P2RX1: variants seen among roughly 807,000 people sequenced by gnomAD.
The protein encoded by P2RX1 is P2X purinoceptor 1.
P2RX1 carries 42 observed loss-of-function variants against 50.3 expected under a neutral mutation model. The ratio of observed to expected loss-of-function variants is 0.83; its 90% CI spans 0.65 to 1.08. The LOEUF is 1.08. Among genes scored for constraint, P2RX1 ranks in the 50% least tolerant of loss-of-function variants. The pLI, the probability that P2RX1 is intolerant of heterozygous loss-of-function variation, is 0.00. For synonymous variants in P2RX1, 199 were observed against 202.6 expected (o/e 0.98, Z 0.15); for missense variants, 449 against 529.0 (o/e 0.85, Z 1.48).
At chr17:3,899,853 C>A in intron 7 of P2RX1, 92 bp from the exon 8 acceptor site, 2 of 1,512,080 alleles carry the variant, frequency 1.3e-6, no homozygotes, top group Non-Finnish European at 1.8e-6. Flanking sequence ...GTAATCCCAG[C>A]ACTTTGGGAG....
intron 1 of P2RX1, among the ~76,000 whole-genome samples, chr17:3,913,541 G>A (rs180678960): frequency 7.6e-4 from 116 of 152,304 alleles, no homozygotes; most frequent in African/African-American, 2.4e-3. Flanking sequence ...CATGACTGGC[G>A]GAGACCATGG....
intron 7 of P2RX1, among the ~76,000 whole-genome samples, chr17:3,902,437 G>A (rs1217247010): frequency 6.6e-6 from 1 of 151,776 alleles, no homozygotes; most frequent in Non-Finnish European, 1.5e-5. Context: ...GGGATTACAG[G>A]CGCATGCCAC....
chr17:3,909,197 AT>A (rs1390073969), intron 1 of P2RX1, among the ~76,000 whole-genome samples: 1 of 151,514 alleles, frequency 6.6e-6, no homozygotes. Flanking sequence ...CGCCCGGCTA[AT>A]TTTTTTTATT....
chr17:3,906,378 G>A (rs555146116), intron 1 of P2RX1, among the ~76,000 whole-genome samples: 4 of 152,288 alleles, frequency 2.6e-5, no homozygotes, highest in Admixed American at 6.5e-5. Flanking sequence ...TGATCCGCCC[G>A]CCTCGGCCTC....
chr17:3,910,986 T>C (rs1374889746), intron 1 of P2RX1, among the ~76,000 whole-genome samples: 5 of 152,112 alleles, frequency 3.3e-5, no homozygotes, highest in African/African-American at 4.8e-5. Context: ...TTTTTATTGT[T>C]CTTTATTTAT....
chr17:3,903,904 C>A lies in P2RX1; in HGVS notation c.524+24G>T, dbSNP rs760699363. 3 of 1,587,226 alleles carry A rather than the reference C, an allele frequency of 1.9e-6. No homozygotes were observed. In the South Asian group the frequency reaches 3.3e-5, roughly 18 times the overall value. ...GTCTGGCCTGGGACCCTGTTCTTAG[C>A]TCTCTGGAAGGTCAGAGTGTTACCG... On this transcript the variant is annotated intron_variant, in intron 5 of 11. Coordinates refer to ENST00000225538, the MANE Select transcript of P2RX1 (RefSeq NM_002558.4). The surrounding 1 kb of genome is among the most constrained non-coding windows in gnomAD (Gnocchi z 4.6).
chr17:3,907,402 C>T (rs2056287806), intron 1 of P2RX1, among the ~76,000 whole-genome samples: 1 of 151,262 alleles, frequency 6.6e-6, no homozygotes, highest in South Asian at 2.1e-4. Flanking sequence ...TGTATCATCC[C>T]CCTCCACTCC....
At chr17:3,906,761 G>A (rs2144031645) in intron 1 of P2RX1, among the ~76,000 whole-genome samples, 1 of 152,324 alleles carries the variant, frequency 6.6e-6, no homozygotes, top group Middle Eastern at 3.4e-3. Flanking sequence ...GGTTCCATGA[G>A]GCTAACCTCC....
At chr17:3,911,841 G>A (rs1465401869) in intron 1 of P2RX1, among the ~76,000 whole-genome samples, 1 of 152,190 alleles carries the variant, frequency 6.6e-6, no homozygotes, top group Non-Finnish European at 1.5e-5. Flanking sequence ...AGGAGAGCCT[G>A]GAAGGGTGGG....
intron 7 of P2RX1, among the ~76,000 whole-genome samples, chr17:3,901,732 C>T (rs529751826): frequency 1.3e-5 from 2 of 152,376 alleles, no homozygotes; most frequent in African/African-American, 2.4e-5. Context: ...ATAAGGGACA[C>T]GTGCTGCCAG....
At chr17:3,906,320 ATGG>A (rs1567654741) in intron 1 of P2RX1, among the ~76,000 whole-genome samples, 26 of 152,088 alleles carry the variant, frequency 1.7e-4, no homozygotes, top group Non-Finnish European at 2.8e-4. Flanking sequence ...TTTAGTAGAG[ATGG>A]GGTTTCACCG....
chr17:3,905,256 C>G lies in P2RX1; in HGVS notation c.249G>C (p.Gln83His). 6.2e-7 allele frequency: 1 copy of G among 1,613,756 alleles called. No individual in the cohort carries two copies. Among genetic ancestry groups the G allele is most frequent in the East Asian group, 2.2e-5 (1 of 44,886 alleles). Residue 83 changes from glutamine to histidine, a missense_variant, in exon 2 of 12, where the codon CAG becomes CAC. Transcript: ENST00000225538. ...AVTQLPGLGP[Q>H]VWDVADYVFP... is the part of the protein sequence containing the mutation. ...AGACGTAGTCAGCCACATCCCAGAC[C>G]TGGGGGCCGAGGCCAGGGAGCTGGG...
At position 3,904,041 on chromosome 17, in the gene P2RX1, A is replaced by C. The variant is rs1214723225; in HGVS notation, c.428-17T>G. 6 of 1,598,274 alleles carry C rather than the reference A, an allele frequency of 3.8e-6. No individual in the cohort carries two copies. Among genetic ancestry groups the C allele is most frequent in the Non-Finnish European group, 5.1e-6 (6 of 1,166,052 alleles). On this transcript the variant is annotated splice_polypyrimidine_tract_variant and intron_variant, in intron 4 of 11. Coordinates refer to ENST00000225538, the MANE Select transcript of P2RX1 (RefSeq NM_002558.4). ...TGCGGATGCCTGGAGCCAGAGGGAA[A>C]CCCCTGGGTGCCTGCACTAAACAGA...
rs374795208 is a variant in P2RX1 at position 3,916,069 on chromosome 17, C to T, written c.137+20G>A. The T allele has an allele frequency of 1.0e-4, 162 of 1,612,926 alleles. No homozygotes were observed. Among genetic ancestry groups the T allele is most frequent in the African/African-American group, 6.8e-4 (51 of 75,054 alleles). On this transcript the variant is annotated intron_variant, in intron 1 of 11. Coordinates refer to ENST00000225538, the MANE Select transcript of P2RX1 (RefSeq NM_002558.4). Reference sequence around the variant, plus strand: ...CCGGGGTAGGGGCTGGTGCAGGCAGCGGGAGGCGCCCGGACTCACCCGATG... The same window carrying T: ...CCGGGGTAGGGGCTGGTGCAGGCAGTGGGAGGCGCCCGGACTCACCCGATG...
intron 2 of P2RX1, 66 bp downstream of exon 2, chr17:3,905,154 G>T: frequency 6.3e-7 from 1 of 1,586,124 alleles, no homozygotes; most frequent in Non-Finnish European, 8.6e-7. Context: ...AGGGACGTGG[G>T]ACAGAGTCCC....
rs1597506365 is a variant in P2RX1, at chr17:3,897,453, C to T, written c.*361G>A. The T allele has an allele frequency of 2.6e-6, 1 of 385,414 alleles. No homozygotes were observed. Among genetic ancestry groups the T allele is most frequent in the East Asian group, 5.0e-5 (1 of 20,118 alleles). 23.9% of individuals were successfully genotyped at this position (385,414 alleles called of 1,614,324 possible). On this transcript the variant is annotated 3_prime_UTR_variant, in exon 12 of 12. Coordinates refer to ENST00000225538, the MANE Select transcript of P2RX1 (RefSeq NM_002558.4). Reference sequence around the variant, plus strand: ...TTTAGTCACCTATGGTTACTGACTGCCACATCGGAGAGCACAGATCTAGAG... The same window carrying T: ...TTTAGTCACCTATGGTTACTGACTGTCACATCGGAGAGCACAGATCTAGAG...
intron 1 of P2RX1, among the ~76,000 whole-genome samples, chr17:3,905,996 C>T (rs772026258): frequency 2.6e-5 from 4 of 152,198 alleles, no homozygotes; most frequent in South Asian, 4.1e-4. Flanking sequence ...CAACAGAGCA[C>T]GAAGGCTGAG....
At chr17:3,906,617 G>A (rs1235403756) in intron 1 of P2RX1, among the ~76,000 whole-genome samples, 3 of 152,226 alleles carry the variant, frequency 2.0e-5, no homozygotes, top group Admixed American at 1.3e-4. Context: ...GGCTTGCAGC[G>A]TCCAGCCCCT....
chr17:3,913,260 G>C (rs1021964962), intron 1 of P2RX1, among the ~76,000 whole-genome samples: 1 of 151,840 alleles, frequency 6.6e-6, no homozygotes, highest in Non-Finnish European at 1.5e-5. Flanking sequence ...CAAGTAGCTG[G>C]GATTACAGGC....
Sources: gnomAD v4.1 joint callset for allele counts (sites outside exome capture counted in the v4.1 genomes callset) on GRCh38, gnomAD v4.1.1 for gene constraint, Gnocchi (gnomAD v3.1) non-coding constraint, MANE v1.5 for transcripts, NCBI Gene and HGNC (gene_info 2026-07-23, HGNC 2026-07-21) for gene names.